TLE6: variants seen among roughly 807,000 people sequenced by gnomAD.
The protein encoded by TLE6 is transducin-like enhancer protein 6.
Under a neutral mutation model 77.1 loss-of-function variants are expected in TLE6, and 72 were observed. The observed-to-expected ratio is 0.93, with a 90% CI of 0.77 to 1.14. The LOEUF (loss-of-function observed/expected upper bound fraction) is 1.14, where lower values mean the gene tolerates loss of function less well. Among genes scored for constraint, TLE6 ranks in the 50% most tolerant of loss-of-function variants. The probability of loss-of-function intolerance (pLI) is 0.00; values close to 1 mark genes in which losing one functional copy is unlikely to be tolerated. For missense variants in TLE6, 843 were observed against 747.6 expected (o/e 1.13, Z -1.49); for synonymous variants, 366 against 287.3 (o/e 1.27, Z -2.77).
chr19:2,988,075 T>TC lies in TLE6; in HGVS notation c.703-15dup, dbSNP rs1299688545. 4 of 1,552,704 alleles carry TC rather than the reference T, an allele frequency of 2.6e-6. No homozygotes were observed. Among genetic ancestry groups the TC allele is most frequent in the Non-Finnish European group, 3.5e-6 (4 of 1,147,608 alleles). ...GCGGGGAGGCTGGGGGCAGCTGTGA[T>TC]CTCCCCCGCCTGCAGGAGCCTCCTG... On this transcript the variant is annotated splice_polypyrimidine_tract_variant and intron_variant, in intron 10 of 16. Transcript: ENST00000246112.
chr19:2,991,897 C>T lies in TLE6; in HGVS notation c.1299C>T (p.Asn433=), dbSNP rs536793504. The change falls in exon 14 of 17, where the codon AAC becomes AAT. Residue 433 remains asparagine (N), a synonymous_variant. Transcript: ENST00000246112. ...GVKSIVVKGY[N]IWTGGPDACL... ...AGAGTATCGTGGTCAAGGGCTACAA[C>T]ATCTGGACTGGGGGTCCGGATGCCT... 2.0e-5 allele frequency: 32 copies of T among 1,613,920 alleles called. No homozygotes were observed. Among genetic ancestry groups the T allele is most frequent in the East Asian group, 1.8e-4 (8 of 44,876 alleles).
At chr19:2,988,202 C>G in intron 11 of TLE6, 74 bp downstream of exon 11, 1 of 1,446,530 alleles carries the variant, frequency 6.9e-7, no homozygotes, top group Non-Finnish European at 9.5e-7. Context: ...TACCTCTGTT[C>G]CCGACACATA....
chr19:2,993,128 T>C (rs2089121841), intron 14 of TLE6, among the ~76,000 whole-genome samples: 1 of 151,020 alleles, frequency 6.6e-6, no homozygotes, highest in Non-Finnish European at 1.5e-5. Flanking sequence ...GGAGAATCGC[T>C]TAAACCCCAG....
At chr19:2,988,908 C>T (rs2088976219) in intron 11 of TLE6, 153 bp from the exon 12 acceptor site, 6 of 1,042,310 alleles carry the variant, frequency 5.8e-6, no homozygotes, top group Non-Finnish European at 8.2e-6. Flanking sequence ...GGAATATGAG[C>T]AGGACATTGA....
At chr19:2,994,454 C>T (rs1160956405) in intron 16 of TLE6, among the ~76,000 whole-genome samples, 2 of 151,862 alleles carry the variant, frequency 1.3e-5, no homozygotes, top group South Asian at 2.1e-4. Context: ...ACTAAAAATA[C>T]AAAAAATTAG....
In TLE6 at chr19:2,977,618, AC is replaced by A. The variant is rs1424766809; in HGVS notation, c.-37+9del. On this transcript the variant is annotated intron_variant, in intron 1 of 16. Transcript: ENST00000246112. ...CTCCGCAGCTTCCGCCCGGTGAGGG[AC>A]GTGAGTTGCCAGGCGTGTTCTAGGG... 1.3e-5 allele frequency: 2 copies of A among 152,592 alleles called. No homozygotes were observed. The highest frequency in any genetic ancestry group is 4.8e-5 in the African/African-American group (2 of 41,472). The allele number at this position is 152,592 out of a possible 1,614,324, so 9.5% of individuals were successfully genotyped here.
chr19:2,991,095 G>A (rs1480664907), intron 13 of TLE6, among the ~76,000 whole-genome samples: 4 of 151,242 alleles, frequency 2.6e-5, no homozygotes, highest in Non-Finnish European at 5.9e-5. Context: ...TGGGCATGGT[G>A]GCTCATGCCT....
At chr19:2,986,393 G>T (rs915760809) in intron 5 of TLE6, among the ~76,000 whole-genome samples, 18 of 151,802 alleles carry the variant, frequency 1.2e-4, no homozygotes, top group Non-Finnish European at 1.0e-4. Flanking sequence ...TCCAGCCTGG[G>T]TGTCAGAGTG....
At chr19:2,993,668 C>A in intron 15 of TLE6, 86 bp downstream of exon 15, 2 of 1,457,908 alleles carry the variant, frequency 1.4e-6, no homozygotes, top group Non-Finnish European at 1.8e-6. Flanking sequence ...CCCCACCCAA[C>A]CCTCTAGGAC....
At chr19:2,988,055 G>C (rs772567983) in intron 10 of TLE6, 36 bp from the exon 11 acceptor site, 3 of 1,556,938 alleles carry the variant, frequency 1.9e-6, no homozygotes, top group Non-Finnish European at 1.7e-6. Flanking sequence ...GATGTGCGGG[G>C]AGGCTGGGGG....
At chr19:2,988,313 T>C (rs60110621) in intron 11 of TLE6, among the ~76,000 whole-genome samples, 185 bp downstream of exon 11, 1 of 152,082 alleles carries the variant, frequency 6.6e-6, no homozygotes, top group Non-Finnish European at 1.5e-5. Context: ...AGTGCAGTGT[T>C]AGGCCGGGCG....
intron 6 of TLE6, 39 bp downstream of exon 6, chr19:2,986,930 T>G (rs1453436476): frequency 1.3e-6 from 2 of 1,553,924 alleles, no homozygotes; most frequent in Non-Finnish European, 1.7e-6. Context: ...GGGGACAGGC[T>G]TGGGTGAAGG....
intron 5 of TLE6, among the ~76,000 whole-genome samples, chr19:2,983,355 G>T (rs1448325146): frequency 6.6e-6 from 1 of 152,166 alleles, no homozygotes; most frequent in African/African-American, 2.4e-5. Flanking sequence ...GCAAGGCGGG[G>T]GATGGAAGAG....
Position 2,989,140 on chromosome 19 carries a change from C to T in TLE6, c.820C>T (p.Pro274Ser). Residue 274 changes from proline to serine, a missense_variant, in exon 12 of 17, where the codon CCG becomes TCG. Physicochemically the swap from Pro to Ser is moderately conservative, Grantham distance 74. Transcript: ENST00000246112. The part of the protein sequence containing the change: ...LPGQSKRLAV[P>S]CKLEKMRILA... ...CGGGCAGTCAAAGAGACTCGCCGTC[C>T]CGTGCAAACTGGAAAAGATGCGGAT... is the stretch of plus-strand genomic sequence containing the variant. The T allele has an allele frequency of 6.2e-7, 1 of 1,614,150 alleles. No homozygotes were observed. Among genetic ancestry groups the T allele is most frequent in the Non-Finnish European group, 8.5e-7 (1 of 1,180,050 alleles).
intron 12 of TLE6, 102 bp downstream of exon 12, chr19:2,989,415 G>C: frequency 6.3e-7 from 1 of 1,577,914 alleles, no homozygotes; most frequent in Non-Finnish European, 8.6e-7. Flanking sequence ...GGCTTCCAGG[G>C]AAAAGGGGCA....
intron 14 of TLE6, among the ~76,000 whole-genome samples, chr19:2,993,060 A>C (rs1250755338): frequency 2.0e-5 from 3 of 149,054 alleles, no homozygotes; most frequent in African/African-American, 5.0e-5. Flanking sequence ...AAAACAGAAT[A>C]ATTAGCCAGG....
At chr19:2,992,737 G>C (rs1599172152) in intron 14 of TLE6, among the ~76,000 whole-genome samples, 1 of 137,710 alleles carries the variant, frequency 7.3e-6, no homozygotes, top group Admixed American at 8.2e-5. Context: ...GATCATACCA[G>C]TGACTGTAGT....
In TLE6 at chr19:2,977,783, C is replaced by G. The variant is rs142601082; in HGVS notation, c.-37+173C>G. On this transcript the variant is annotated intron_variant, in intron 1 of 16. Transcript: ENST00000246112. ...GTCGTTTCTTCTGTCTGATGAATTC[C>G]GCCTAATGCACCTGGCTAACTCCTA... Among the ~76,000 whole-genome samples, 265 of 152,236 alleles carry G rather than the reference C, an allele frequency of 1.7e-3. 2 individuals are homozygous for G. Among genetic ancestry groups the G allele is most frequent in the African/African-American group, 6.0e-3 (250 of 41,538 alleles).
rs2088922169 is a variant in TLE6, at chr19:2,986,831, A to G, written c.225A>G (p.Ile75Met). 1 of 1,551,690 alleles carries G rather than the reference A, an allele frequency of 6.4e-7. No individual in the cohort carries two copies. The highest frequency in any genetic ancestry group is 8.7e-7 in the Non-Finnish European group (1 of 1,146,976). The change falls in exon 6 of 17, where the codon ATA becomes ATG. Residue 75 changes from isoleucine to methionine, a missense_variant and splice_region_variant. Coordinates refer to ENST00000246112, the MANE Select transcript of TLE6 (RefSeq NM_001143986.2). ...QQDVAEHHKQ[I>M]GNVLQIVESC... ...TTTTGCTGCCAACCTCCTTCTAGAT[A>G]GGAAACGTCTTACAGATTGTGGAGA... is the stretch of plus-strand genomic sequence containing the variant.
Sources: gnomAD v4.1 joint callset for allele counts (sites outside exome capture counted in the v4.1 genomes callset) on GRCh38, gnomAD v4.1.1 for gene constraint, MANE v1.5 for transcripts, NCBI Gene and HGNC (gene_info 2026-07-23, HGNC 2026-07-21) for gene names.